Variants in SLC35F3 observed in about 807,000 individuals in gnomAD.
SLC35F3 encodes putative thiamine transporter SLC35F3.
SLC35F3 carries 25 observed loss-of-function variants against 49.9 expected under a neutral mutation model. The observed-to-expected ratio is 0.50, with a 90% CI of 0.37 to 0.70. The LOEUF (loss-of-function observed/expected upper bound fraction) is 0.70. Among genes scored for constraint, SLC35F3 ranks in the 30% least tolerant of loss-of-function variants. The probability of loss-of-function intolerance (pLI) is 0.00; values close to 1 mark genes in which losing one functional copy is unlikely to be tolerated. For synonymous variants in SLC35F3, 275 were observed against 265.4 expected (o/e 1.04, Z -0.35); for missense variants, 525 against 639.8 (o/e 0.82, Z 1.94).
chr1:234,267,314 A>C (rs1400606070), intron 3 of SLC35F3, among the ~76,000 whole-genome samples: 1 of 131,306 alleles, frequency 7.6e-6, no homozygotes, highest in Non-Finnish European at 1.6e-5. Context: ...CGATTTCTCA[A>C]TTTTTTCCCC....
At position 234,231,672 on chromosome 1, in the gene SLC35F3, T is replaced by A. The variant is rs757345193; in HGVS notation, c.539T>A (p.Phe180Tyr). Residue 180 changes from phenylalanine (F) to tyrosine (Y), a missense_variant, in exon 3 of 8, where the codon TTC (phenylalanine) becomes TAC (tyrosine). Around this residue, in one of 4 missense-constraint regions of SLC35F3, gnomAD observed 216 missense variants for 298.1 expected, o/e 0.72. Coordinates refer to ENST00000366618, the MANE Select transcript of SLC35F3 (RefSeq NM_173508.4). The surrounding 1 kb of genome is among the most constrained non-coding windows in gnomAD (Gnocchi z 5.4). ...TTTGCCACCAACTGGAACTTTTTAT[T>A]CTTCCCGTTGTACTACGTGGGGCAC... ...TWFATNWNFL[F>Y]FPLYYVGHVC... 18 of 1,614,146 alleles carry A rather than the reference T, an allele frequency of 1.1e-5. No individual in the cohort carries two copies. Among genetic ancestry groups the A allele is most frequent in the Non-Finnish European group, 1.4e-5 (17 of 1,180,006 alleles).
intron 5 of SLC35F3, among the ~76,000 whole-genome samples, chr1:234,317,460 T>A (rs1201563176): frequency 1.3e-5 from 2 of 151,932 alleles, no homozygotes; most frequent in Admixed American, 6.6e-5. Context: ...GGACTCCAAG[T>A]TGGAGAACTG....
At chr1:234,003,362 T>A (rs1663581486) in intron 2 of SLC35F3, among the ~76,000 whole-genome samples, 1 of 152,172 alleles carries the variant, frequency 6.6e-6, no homozygotes, top group Non-Finnish European at 1.5e-5. Context: ...AGAGGACTCT[T>A]TATGTTTCAC....
At chr1:234,082,649 C>T (rs995955357) in intron 2 of SLC35F3, among the ~76,000 whole-genome samples, 3 of 152,158 alleles carry the variant, frequency 2.0e-5, no homozygotes, top group Admixed American at 6.5e-5. Context: ...ATACCCAAGA[C>T]TGGGTAATTT....
At chr1:233,967,731 T>C (rs1018988434) in intron 2 of SLC35F3, among the ~76,000 whole-genome samples, 1 of 152,216 alleles carries the variant, frequency 6.6e-6, no homozygotes, top group African/African-American at 2.4e-5. Context: ...GCCCCATGTC[T>C]AAACAAATTT....
chr1:234,317,143 T>A (rs1189420259), intron 5 of SLC35F3, among the ~76,000 whole-genome samples: 5 of 152,142 alleles, frequency 3.3e-5, no homozygotes, highest in African/African-American at 7.2e-5. Context: ...CCCACACAGT[T>A]TTTGCAGCCA....
intron 2 of SLC35F3, among the ~76,000 whole-genome samples, chr1:234,017,571 T>G (rs1290950043): frequency 6.6e-6 from 1 of 151,380 alleles, no homozygotes; most frequent in Non-Finnish European, 1.5e-5. Context: ...AAAATTAGCC[T>G]GGCACAGTGG....
intron 2 of SLC35F3, among the ~76,000 whole-genome samples, chr1:234,152,404 G>T (rs2102909268): frequency 6.6e-6 from 1 of 151,980 alleles, no homozygotes; most frequent in South Asian, 2.1e-4. Flanking sequence ...CCACTGACAG[G>T]CCCCGGTGTT....
chr1:234,215,492 C>G (rs1381562594), intron 2 of SLC35F3, among the ~76,000 whole-genome samples: 1 of 152,202 alleles, frequency 6.6e-6, no homozygotes, highest in Non-Finnish European at 1.5e-5. Context: ...GTGAGGCAGA[C>G]AGACCATCCC....
intron 2 of SLC35F3, among the ~76,000 whole-genome samples, chr1:233,964,343 C>T (rs1430151135): frequency 6.6e-6 from 1 of 152,166 alleles, no homozygotes; most frequent in South Asian, 2.1e-4. Context: ...TCTGAAGTGG[C>T]CTGGGGCTGG....
intron 2 of SLC35F3, among the ~76,000 whole-genome samples, chr1:233,974,244 G>A (rs1663042113): frequency 7.0e-6 from 1 of 142,090 alleles, no homozygotes; most frequent in Non-Finnish European, 1.5e-5. Flanking sequence ...AAGTGCAATG[G>A]CACAATCTCG....
At chr1:234,251,042 A>T (rs1420956674) in intron 3 of SLC35F3, among the ~76,000 whole-genome samples, 1 of 152,180 alleles carries the variant, frequency 6.6e-6, no homozygotes, top group East Asian at 1.9e-4. Flanking sequence ...TGAAGGCTTG[A>T]GGTGCCTCCT....
At chr1:234,069,303 G>T (rs1346904019) in intron 2 of SLC35F3, among the ~76,000 whole-genome samples, 1 of 145,632 alleles carries the variant, frequency 6.9e-6, no homozygotes, top group Non-Finnish European at 1.5e-5. Context: ...TGTCACCCAG[G>T]CTGGAGTGCA....
intron 2 of SLC35F3, among the ~76,000 whole-genome samples, chr1:233,949,717 A>C (rs1158880713): frequency 6.6e-6 from 1 of 152,184 alleles, no homozygotes; most frequent in Non-Finnish European, 1.5e-5. Flanking sequence ...TGTCGCTAGC[A>C]GCCCGAGTGA....
intron 2 of SLC35F3, among the ~76,000 whole-genome samples, chr1:233,966,990 C>T (rs1662915455): frequency 6.6e-6 from 1 of 152,282 alleles, no homozygotes; most frequent in Admixed American, 6.5e-5. Flanking sequence ...TCTACAGGGT[C>T]ATGAGTCAAC....
chr1:233,982,468 G>A (rs568310763), intron 2 of SLC35F3, among the ~76,000 whole-genome samples: 38 of 151,962 alleles, frequency 2.5e-4, no homozygotes, highest in African/African-American at 8.5e-4. Context: ...TCTGTCTCCC[G>A]GGTTCAAGTG....
At chr1:234,122,269 G>A (rs1392972066) in intron 2 of SLC35F3, among the ~76,000 whole-genome samples, 1 of 152,204 alleles carries the variant, frequency 6.6e-6, no homozygotes, top group Non-Finnish European at 1.5e-5. Flanking sequence ...TTCATGTGTT[G>A]TAATGATACA....
chr1:233,949,626 C>T (rs75913086), intron 2 of SLC35F3, among the ~76,000 whole-genome samples: 160 of 152,240 alleles, frequency 1.1e-3, no homozygotes, highest in African/African-American at 3.6e-3. Context: ...ACTTGAGAAG[C>T]GTGCCGTCCA....
intron 2 of SLC35F3, among the ~76,000 whole-genome samples, chr1:234,115,590 A>C (rs907257176): frequency 6.6e-6 from 1 of 152,344 alleles, no homozygotes; most frequent in East Asian, 1.9e-4. Context: ...TCAACTTTTT[A>C]TTTTGAAATA....
Sources: allele counts gnomAD v4.1 joint callset (sites outside exome capture counted in the v4.1 genomes callset), GRCh38; gene constraint gnomAD v4.1.1; regional missense constraint gnomAD v4.1.1; non-coding constraint Gnocchi (gnomAD v3.1); transcripts MANE v1.5; gene names NCBI Gene and HGNC (gene_info 2026-07-23, HGNC 2026-07-21).